The following ARHGAP10 variants were observed in gnomAD, a reference collection of about 807,000 sequenced individuals.
ARHGAP10 encodes Rho GTPase activating protein 10.
Under a neutral mutation model 108.6 loss-of-function variants are expected in ARHGAP10, and 87 were observed. The observed-to-expected ratio is 0.80, with a 90% CI of 0.67 to 0.96. ARHGAP10 has a LOEUF of 0.96. Among genes scored for constraint, ARHGAP10 ranks in the 40% least tolerant of loss-of-function variants. The pLI is 0.00. For synonymous variants in ARHGAP10, 347 were observed against 341.1 expected, an observed-to-expected ratio of 1.02 and a Z score of -0.19; for missense variants, 939 against 954.5, an observed-to-expected ratio of 0.98 and a Z score of 0.21.
chr4:147,827,140 ATTGT>A (rs1356457540), intron 3 of ARHGAP10, among the ~76,000 whole-genome samples: 1 of 151,762 alleles, frequency 6.6e-6, no homozygotes, highest in African/African-American at 2.4e-5. Context: ...CCATATTGAC[ATTGT>A]TTGGGTACTT....
chr4:147,950,949 T>G (rs914144516), intron 15 of ARHGAP10, among the ~76,000 whole-genome samples: 1 of 152,100 alleles, frequency 6.6e-6, no homozygotes, highest in Non-Finnish European at 1.5e-5. Context: ...TAGATAAATA[T>G]TATGATTTAT....
chr4:147,946,781 A>G (rs1289185368), intron 15 of ARHGAP10, 77 bp downstream of exon 15: 11 of 1,079,752 alleles, frequency 1.0e-5, no homozygotes, highest in Non-Finnish European at 1.3e-5. Flanking sequence ...AATTGTGTAC[A>G]TAAATATCAA....
chr4:147,859,352 A>C lies in ARHGAP10; in HGVS notation c.486+1698A>C, dbSNP rs115281340. Among the ~76,000 whole-genome samples, 927 of 148,726 alleles carry C rather than the reference A, an allele frequency of 6.2e-3. 9 individuals are homozygous for C. The highest frequency in any genetic ancestry group is 0.022 in the African/African-American group (871 of 40,292). The stretch of plus-strand genomic sequence containing the variant: ...CAATGGTTAGATCTTGGCTCACTGC[A>C]ACCTCCACCTGCCGGATTCAAGCGA... On this transcript the variant is annotated intron_variant, in intron 5 of 22. Transcript: ENST00000336498.
In ARHGAP10 at chr4:147,966,488, G is replaced by A. The variant is rs943245067; in HGVS notation, c.1557-192G>A. Among the ~76,000 whole-genome samples the A allele has an allele frequency of 2.6e-5, 4 of 152,168 alleles. No homozygotes were observed. The East Asian group carries it at 7.7e-4, about 29-fold the overall frequency. ...TGGTTAGACTAGAGCACCAAAGAGA[G>A]GGAAGTAAAGGAGTAGGCAGGAGCA... On this transcript the variant is annotated intron_variant, in intron 17 of 22. Transcript: ENST00000336498.
intron 10 of ARHGAP10, among the ~76,000 whole-genome samples, chr4:147,896,727 C>G (rs1332423302): frequency 6.6e-6 from 1 of 151,712 alleles, no homozygotes; most frequent in African/African-American, 2.4e-5. Context: ...AATTTTACAC[C>G]TTGTTTTTGA....
chr4:147,885,724 C>T (rs1735522544), intron 10 of ARHGAP10, among the ~76,000 whole-genome samples: 1 of 152,216 alleles, frequency 6.6e-6, no homozygotes, highest in African/African-American at 2.4e-5. Context: ...TCCCTCAGAT[C>T]TCTTGGTCCT....
intron 1 of ARHGAP10, among the ~76,000 whole-genome samples, chr4:147,790,418 G>A (rs955480920): frequency 5.3e-5 from 8 of 152,136 alleles, no homozygotes; most frequent in Non-Finnish European, 1.0e-4. Context: ...AAAATGGGCT[G>A]TCTGGCAGAA....
intron 18 of ARHGAP10, among the ~76,000 whole-genome samples, chr4:148,018,822 A>G (rs996331121): frequency 2.0e-5 from 3 of 152,248 alleles, no homozygotes; most frequent in East Asian, 1.9e-4. Flanking sequence ...AATGAAAGCC[A>G]ACTTCAGATG....
chr4:147,972,265 G>A (rs924931507), intron 18 of ARHGAP10, among the ~76,000 whole-genome samples: 9 of 152,000 alleles, frequency 5.9e-5, no homozygotes, highest in Admixed American at 1.3e-4. Flanking sequence ...TACTATAAAG[G>A]GTATTAATGT....
chr4:147,931,214 A>G lies in ARHGAP10; in HGVS notation c.1229-8611A>G, dbSNP rs369204520. On this transcript the variant is annotated intron_variant, in intron 13 of 22. Coordinates refer to ENST00000336498, the MANE Select transcript of ARHGAP10 (RefSeq NM_024605.4). ...TGATTTTACCTTATCCATTTTGCCC[A>G]GAGACAGCTGTCATCAGCTGCTCAT... Among the ~76,000 whole-genome samples, 4 of 152,238 alleles carry G rather than the reference A, an allele frequency of 2.6e-5. No individual in the cohort carries two copies. In the East Asian group the frequency reaches 5.8e-4, roughly 22 times the overall value.
Position 147,966,855 on chromosome 4 carries a change from T to G in ARHGAP10, c.1716+16T>G, listed in dbSNP as rs1690162774. The stretch of plus-strand genomic sequence containing the variant: ...CCATGAAAAGGTAAAATTTTTTTTT[T>G]CTTTAAGAGACTTTGTTTTCGGCTT... On this transcript the variant is annotated intron_variant, in intron 18 of 22. Transcript: ENST00000336498. 6.5e-7 allele frequency: 1 copy of G among 1,547,020 alleles called. No individual in the cohort carries two copies. Among genetic ancestry groups the G allele is most frequent in the Admixed American group, 1.8e-5 (1 of 55,632 alleles).
chr4:147,947,274 A>G (rs1265921133), intron 15 of ARHGAP10, among the ~76,000 whole-genome samples: 2 of 146,730 alleles, frequency 1.4e-5, no homozygotes, highest in African/African-American at 2.5e-5. Context: ...TGATAAGCTC[A>G]GGGTTAGATG....
intron 1 of ARHGAP10, among the ~76,000 whole-genome samples, chr4:147,795,627 T>C (rs1731286843): frequency 6.6e-6 from 1 of 152,078 alleles, no homozygotes; most frequent in Non-Finnish European, 1.5e-5. Flanking sequence ...GCTCAGTAAA[T>C]GTGAGGTGAC....
chr4:147,897,383 A>C (rs1235831239), intron 10 of ARHGAP10, among the ~76,000 whole-genome samples: 1 of 152,090 alleles, frequency 6.6e-6, no homozygotes, highest in Non-Finnish European at 1.5e-5. Flanking sequence ...GATTACAGGC[A>C]TGAGCCACTA....
intron 16 of ARHGAP10, among the ~76,000 whole-genome samples, chr4:147,959,888 T>C (rs1320078401): frequency 6.6e-6 from 1 of 152,190 alleles, no homozygotes; most frequent in Non-Finnish European, 1.5e-5. Flanking sequence ...TTAAACTAGG[T>C]TTTCACTGGA....
chr4:147,847,587 A>G (rs1305191173), intron 4 of ARHGAP10, among the ~76,000 whole-genome samples: 2 of 152,178 alleles, frequency 1.3e-5, no homozygotes, highest in African/African-American at 4.8e-5. Context: ...AGGGTTTAAG[A>G]TTATAGACGC....
At chr4:147,956,786 T>C (rs1458189328) in intron 16 of ARHGAP10, among the ~76,000 whole-genome samples, 1 of 151,916 alleles carries the variant, frequency 6.6e-6, no homozygotes, top group Admixed American at 6.6e-5. Context: ...CTTTAAGTTT[T>C]AGGGTACATG....
chr4:147,995,424 A>G (rs1740435267), intron 18 of ARHGAP10, among the ~76,000 whole-genome samples: 1 of 152,234 alleles, frequency 6.6e-6, no homozygotes, highest in South Asian at 2.1e-4. Context: ...TATGTGATCT[A>G]CTTACAGTGT....
chr4:147,778,707 G>T (rs544180221), intron 1 of ARHGAP10, among the ~76,000 whole-genome samples: 1 of 152,078 alleles, frequency 6.6e-6, no homozygotes, highest in Non-Finnish European at 1.5e-5. Context: ...CCTGGATGTC[G>T]CTCCTTTTTG....
Sources: allele counts gnomAD v4.1 joint callset (sites outside exome capture counted in the v4.1 genomes callset), GRCh38; gene constraint gnomAD v4.1.1; transcripts MANE v1.5; gene names NCBI Gene and HGNC (gene_info 2026-07-23, HGNC 2026-07-21).